Variants in STARD13 observed in about 807,000 individuals in gnomAD.
STARD13 encodes stAR-related lipid transfer protein 13.
A neutral mutation model predicts 106.4 loss-of-function variants in STARD13; 62 were observed. The observed-to-expected ratio is 0.58, with a 90% CI of 0.48 to 0.72. STARD13 has a LOEUF of 0.72. Among genes scored for constraint, STARD13 ranks in the 30% least tolerant of loss-of-function variants. STARD13 has a pLI of 0.00. For synonymous variants in STARD13, 565 were observed against 553.0 expected, an observed-to-expected ratio of 1.02 and a Z score of -0.31; for missense variants, 1,387 against 1,424.0, an observed-to-expected ratio of 0.97 and a Z score of 0.42.
At chr13:33,416,793 C>A in the STARD13 span, among the ~76,000 whole-genome samples, 1 of 152,130 alleles carries the variant, frequency 6.6e-6, no homozygotes, top group East Asian at 1.9e-4. Flanking sequence ...TTAGGCAAAG[C>A]CTTCTTAGAG....
At chr13:33,156,590 T>G (rs1882016275) in intron 3 of STARD13, among the ~76,000 whole-genome samples, 1 of 152,174 alleles carries the variant, frequency 6.6e-6, no homozygotes, top group South Asian at 2.1e-4. Flanking sequence ...CTACTACCAT[T>G]TATTAGCTGT....
the STARD13 span, among the ~76,000 whole-genome samples, chr13:33,632,204 A>C: frequency 6.6e-6 from 1 of 152,230 alleles, no homozygotes; most frequent in South Asian, 2.1e-4. Flanking sequence ...GGATAGGCTA[A>C]GACATGAACT....
the STARD13 span, among the ~76,000 whole-genome samples, chr13:33,426,227 C>G: frequency 6.6e-6 from 1 of 152,130 alleles, no homozygotes; most frequent in Non-Finnish European, 1.5e-5. Context: ...TTTGGTGATG[C>G]TTTGTTTCTA....
intron 1 of STARD13, among the ~76,000 whole-genome samples, chr13:33,261,042 C>G (rs1890615683): frequency 6.6e-6 from 1 of 152,164 alleles, no homozygotes; most frequent in Non-Finnish European, 1.5e-5. Flanking sequence ...TTACAATCTT[C>G]AAAGAAGACT....
At chr13:33,449,547 G>C in the STARD13 span, among the ~76,000 whole-genome samples, 7 of 152,010 alleles carry the variant, frequency 4.6e-5, no homozygotes, top group African/African-American at 1.7e-4. Flanking sequence ...AATGTCACCA[G>C]GTTTATTCTT....
At chr13:33,428,613 A>T in the STARD13 span, among the ~76,000 whole-genome samples, 1 of 152,318 alleles carries the variant, frequency 6.6e-6, no homozygotes, top group East Asian at 1.9e-4. Context: ...AAACACAAGA[A>T]GAGATCATCT....
chr13:33,668,015 G>C, the STARD13 span, among the ~76,000 whole-genome samples: 4 of 152,188 alleles, frequency 2.6e-5, no homozygotes, highest in Admixed American at 2.6e-4. Flanking sequence ...CAATCCGGTT[G>C]TTTCTGTCCT....
chr13:33,202,829 A>G (rs1049307303), intron 1 of STARD13, among the ~76,000 whole-genome samples: 4 of 152,160 alleles, frequency 2.6e-5, no homozygotes, highest in Admixed American at 2.0e-4. Flanking sequence ...TGGGTGGGGC[A>G]GGAGGGACAC....
the STARD13 span, among the ~76,000 whole-genome samples, chr13:33,663,019 C>G: frequency 6.6e-6 from 1 of 152,124 alleles, no homozygotes; most frequent in Non-Finnish European, 1.5e-5. Context: ...CTATTCACTG[C>G]TAACAGTAGT....
chr13:33,499,501 T>C, the STARD13 span, among the ~76,000 whole-genome samples: 117 of 57,090 alleles, frequency 2.0e-3, 2 homozygotes, highest in African/African-American at 0.021. Context: ...TTCTCCTTCT[T>C]CTTCTTCTTC....
At position 33,128,100 on chromosome 13, in the gene STARD13, C is replaced by T. The variant is rs532918445; in HGVS notation, c.1749-554G>A. Among the ~76,000 whole-genome samples, 34 of 151,410 alleles carry T rather than the reference C, an allele frequency of 2.2e-4. No homozygotes were observed. The South Asian group carries it at 6.9e-3, about 31-fold the overall frequency. On this transcript the variant is annotated intron_variant, in intron 5 of 13. Coordinates refer to ENST00000336934, the MANE Select transcript of STARD13 (RefSeq NM_178006.4). ...AGAAAGATAGAGACAGAGCAAGAGACAGAGAGAGGGAAGACAGAGATAGAG... is the reference window on the plus strand; with the variant it reads ...AGAAAGATAGAGACAGAGCAAGAGATAGAGAGAGGGAAGACAGAGATAGAG...
chr13:33,446,726 G>GGTCCCCT, the STARD13 span, among the ~76,000 whole-genome samples: 1 of 152,122 alleles, frequency 6.6e-6, no homozygotes, highest in African/African-American at 2.4e-5. Context: ...CAGAATTTTA[G>GGTCCCCT]ACATTTAATC....
chr13:33,436,503 C>G, the STARD13 span, among the ~76,000 whole-genome samples: 3 of 152,142 alleles, frequency 2.0e-5, no homozygotes, highest in African/African-American at 7.2e-5. Flanking sequence ...TATATATTTA[C>G]TCTTCAAAAA....
chr13:33,346,739 C>T (rs894632070), downstream of STARD13, among the ~76,000 whole-genome samples: 5 of 152,050 alleles, frequency 3.3e-5, no homozygotes, highest in African/African-American at 7.2e-5. Context: ...AAGCAATTCT[C>T]CTGCCTCAGC....
downstream of STARD13, among the ~76,000 whole-genome samples, chr13:33,346,874 G>A (rs147118471): frequency 4.6e-3 from 697 of 152,022 alleles, 6 homozygotes; most frequent in African/African-American, 0.014. Flanking sequence ...CCGACCGCAG[G>A]TGATCCACCT....
chr13:33,357,850 A>C, the STARD13 span, among the ~76,000 whole-genome samples: 1 of 151,710 alleles, frequency 6.6e-6, no homozygotes, highest in Non-Finnish European at 1.5e-5. Context: ...GCTCTCGGCA[A>C]CTCCCCTGCC....
At chr13:33,501,594 T>C in the STARD13 span, among the ~76,000 whole-genome samples, 2 of 152,222 alleles carry the variant, frequency 1.3e-5, no homozygotes, top group African/African-American at 4.8e-5. Flanking sequence ...GTTTTAGCTT[T>C]CTGCATATGG....
chr13:33,247,746 C>T (rs970945767), intron 1 of STARD13, among the ~76,000 whole-genome samples: 2 of 152,192 alleles, frequency 1.3e-5, no homozygotes, highest in Non-Finnish European at 2.9e-5. Flanking sequence ...GATTCACTCA[C>T]TCTACTGCTA....
chr13:33,429,947 T>A, the STARD13 span, among the ~76,000 whole-genome samples: 1 of 149,666 alleles, frequency 6.7e-6, no homozygotes, highest in Non-Finnish European at 1.5e-5. Context: ...GGACGGAGTC[T>A]CGCTCTGTTG....
Sources: gnomAD v4.1 joint callset for allele counts (sites outside exome capture counted in the v4.1 genomes callset) on GRCh38, gnomAD v4.1.1 for gene constraint, MANE v1.5 for transcripts, NCBI Gene and HGNC (gene_info 2026-07-23, HGNC 2026-07-21) for gene names.